GNA15: variants seen among roughly 807,000 people sequenced by gnomAD.
GNA15 encodes G protein subunit alpha 15, also known as guanine nucleotide-binding protein subunit alpha-15.
GNA15 carries 23 observed loss-of-function variants against 40.1 expected under a neutral mutation model. The observed-to-expected ratio is 0.57, with a 90% CI of 0.41 to 0.81. The LOEUF is 0.81. GNA15 is among the 40% of genes least tolerant of loss of function. The pLI, the probability that GNA15 is intolerant of heterozygous loss-of-function variation, is 0.00. For synonymous variants in GNA15, 226 were observed against 210.4 expected, an observed-to-expected ratio of 1.07 and a Z score of -0.64; for missense variants, 522 against 515.8, an observed-to-expected ratio of 1.01 and a Z score of -0.12.
At chr19:3,138,052 C>T (rs1599317145) in intron 1 of GNA15, among the ~76,000 whole-genome samples, 1 of 152,070 alleles carries the variant, frequency 6.6e-6, no homozygotes, top group Non-Finnish European at 1.5e-5. Flanking sequence ...TCACTTGAGG[C>T]CAGGAGTTCG....
Position 3,157,896 on chromosome 19 carries a change from A to G in GNA15, c.898+15A>G. 2 of 1,597,496 alleles carry G rather than the reference A, an allele frequency of 1.3e-6. No homozygotes were observed. The highest frequency in any genetic ancestry group is 1.7e-6 in the Non-Finnish European group (2 of 1,164,794). ...CAGTTTCCAGGGTAAGTAATTCTAGAACTTTCTATACCCTTCAACTCCCAA... is the reference window on the plus strand; with the variant it reads ...CAGTTTCCAGGGTAAGTAATTCTAGGACTTTCTATACCCTTCAACTCCCAA... On this transcript the variant is annotated intron_variant, in intron 6 of 6. Transcript: ENST00000262958.
intron 5 of GNA15, among the ~76,000 whole-genome samples, chr19:3,157,092 G>A (rs1915048495): frequency 6.6e-6 from 1 of 151,886 alleles, no homozygotes; most frequent in Admixed American, 6.6e-5. Flanking sequence ...CCGCCTCCCG[G>A]GTTCAAGCGA....
At position 3,136,911 on chromosome 19, in the gene GNA15, T is replaced by C. The variant is rs1914471055; in HGVS notation, c.145+316T>C. 6.6e-6 allele frequency among the ~76,000 whole-genome samples: 1 copy of C among 152,202 alleles called. No individual in the cohort carries two copies. The highest frequency in any genetic ancestry group is 6.5e-5 in the Admixed American group (1 of 15,284). On this transcript the variant is annotated intron_variant, in intron 1 of 6. Coordinates refer to ENST00000262958, the MANE Select transcript of GNA15 (RefSeq NM_002068.4). This position sits in a 1 kb window ranked among gnomAD's most constrained non-coding sequence, Gnocchi z 4.9. ...AGGCCCAGCACGCCCTACCTGTCTG[T>C]GTCATGGCGAGGGAATGATGAGCTC...
chr19:3,150,157 G>A lies in GNA15; in HGVS notation c.357G>A (p.Gln119=). ...SKHHASLVMS[Q]DPYKVTTFEK... ...ACCACGCTAGCCTGGTCATGAGCCA[G>A]GACCCCTATAAAGTGACCACGTTTG... The change falls in exon 3 of 7, where the codon CAG becomes CAA. Residue 119 remains glutamine (Q), a synonymous_variant. Coordinates refer to ENST00000262958, the MANE Select transcript of GNA15 (RefSeq NM_002068.4). 6.2e-7 allele frequency: 1 copy of A among 1,613,504 alleles called. No individual in the cohort carries two copies. The highest frequency in any genetic ancestry group is 1.1e-5 in the South Asian group (1 of 91,088).
chr19:3,140,100 ATG>A (rs750448042), intron 1 of GNA15, among the ~76,000 whole-genome samples: 2 of 122,980 alleles, frequency 1.6e-5, no homozygotes, highest in African/African-American at 2.9e-5. Context: ...TGACATATTA[ATG>A]TGTCATATTA....
At chr19:3,148,065 T>A (rs187922681) in intron 1 of GNA15, among the ~76,000 whole-genome samples, 2 of 107,514 alleles carry the variant, frequency 1.9e-5, no homozygotes, top group African/African-American at 6.6e-5. Flanking sequence ...TCTGTTGAGG[T>A]CCATGTTTTG....
rs1184334208 is a variant in GNA15 at position 3,162,907 on chromosome 19, G to A, written c.1013G>A (p.Arg338His). Residue 338 changes from arginine to histidine, a missense_variant, in exon 7 of 7, where the codon CGC (arginine) becomes CAC (histidine). Arg to His is a conservative substitution (Grantham distance 29). Coordinates refer to ENST00000262958, the MANE Select transcript of GNA15 (RefSeq NM_002068.4). ...AGCAAGAAGGGCGCACGATCCCGAC[G>A]CCTCTTCAGCCACTACACATGTGCC... ...EGSKKGARSRRLFSHYTCATD... is the reference protein window; with the variant it reads ...EGSKKGARSRHLFSHYTCATD... 1.9e-6 allele frequency: 3 copies of A among 1,613,676 alleles called. No homozygotes were observed. Among genetic ancestry groups the A allele is most frequent in the Non-Finnish European group, 2.5e-6 (3 of 1,179,612 alleles).
rs1309635702 is a variant in GNA15, at chr19:3,163,181, C to T, written c.*162C>T. On this transcript the variant is annotated 3_prime_UTR_variant, in exon 7 of 7. Transcript: ENST00000262958. ...GCTGGCCGCTCTCTTCTCTGCCTCT[C>T]ACCAGGACAGCCGCCCCCCAGGGTA... 6.6e-6 allele frequency: 4 copies of T among 610,416 alleles called. No individual in the cohort carries two copies. The highest frequency in any genetic ancestry group is 3.7e-5 in the African/African-American group (2 of 54,352). 37.8% of individuals were successfully genotyped at this position (610,416 alleles called of 1,614,324 possible). A position where few individuals can be genotyped will look rare whatever the true frequency, so the allele number is the denominator to read the frequency against.
Position 3,145,359 on chromosome 19 carries a change from A to ATATATATATATATATTT in GNA15, c.146-3231_146-3230insATATATATATATATTTT. On this transcript the variant is annotated intron_variant, in intron 1 of 6. Coordinates refer to ENST00000262958, the MANE Select transcript of GNA15 (RefSeq NM_002068.4). Reference sequence around the variant, plus strand: ...TAAATATATATATATATATATATATATTTTTTTTTTTTTGTAGAGATGGGG... The same window carrying ATATATATATATATATTT: ...TAAATATATATATATATATATATATATATATATATATATATTTTTTTTTTTTTTTTGTAGAGATGGGG... Among the ~76,000 whole-genome samples, 362 of 46,910 alleles carry ATATATATATATATATTT rather than the reference A, an allele frequency of 7.7e-3. 8 individuals are homozygous for ATATATATATATATATTT. Among genetic ancestry groups the ATATATATATATATATTT allele is most frequent in the Non-Finnish European group, 9.5e-3 (244 of 25,690 alleles). 30.8% of individuals were successfully genotyped at this position (46,910 alleles called of 152,430 possible).
chr19:3,140,044 A>ATCTATCTATCT (rs1555705063), intron 1 of GNA15, among the ~76,000 whole-genome samples: 1 of 124,054 alleles, frequency 8.1e-6, no homozygotes, highest in African/African-American at 2.9e-5. Context: ...AAAAAAAAAA[A>ATCTATCTATCT]ATCTATCTAT....
At chr19:3,145,855 G>A (rs1458879161) in intron 1 of GNA15, among the ~76,000 whole-genome samples, 3 of 151,526 alleles carry the variant, frequency 2.0e-5, no homozygotes, top group African/African-American at 4.8e-5. Flanking sequence ...GCCGAGAAAA[G>A]CCTGTTTCTT....
chr19:3,151,818 G>T lies in GNA15; in HGVS notation c.597G>T (p.Val199=). The stretch of plus-strand genomic sequence containing the variant: ...GCATCAACGAGTACTGCTTCTCCGT[G>T]CAGAAAACCAACCTGCGGTGAGCGC... ...TTGINEYCFS[V]QKTNLRIVDV... Residue 199 remains valine (V), a synonymous_variant, in exon 4 of 7, where the codon GTG becomes GTT. Coordinates refer to ENST00000262958, the MANE Select transcript of GNA15 (RefSeq NM_002068.4). This position sits in a 1 kb window ranked among gnomAD's most constrained non-coding sequence, Gnocchi z 5.0. 6.2e-7 allele frequency: 1 copy of T among 1,611,444 alleles called. No individual in the cohort carries two copies.
At position 3,163,502 on chromosome 19, in the gene GNA15, A is replaced by C. The variant is rs1483568816; in HGVS notation, c.*483A>C. On this transcript the variant is annotated 3_prime_UTR_variant, in exon 7 of 7. Transcript: ENST00000262958. Reference sequence around the variant, plus strand: ...AGGAACGCCTTCCAGGAACCTGTGGACTAGGGGTGCAGGGACTTCCCTTTG... The same window carrying C: ...AGGAACGCCTTCCAGGAACCTGTGGCCTAGGGGTGCAGGGACTTCCCTTTG... 1 of 168,042 alleles carries C rather than the reference A, an allele frequency of 6.0e-6. No individual in the cohort carries two copies. The highest frequency in any genetic ancestry group is 6.0e-5 in the Admixed American group (1 of 16,540). 10.4% of individuals were successfully genotyped at this position (168,042 alleles called of 1,614,324 possible). A position where few individuals can be genotyped will look rare whatever the true frequency, so the allele number is the denominator to read the frequency against.
At position 3,144,127 on chromosome 19, in the gene GNA15, C is replaced by CAAAA. The variant is rs367866195; in HGVS notation, c.146-4452_146-4449dup. ...CGATAGAGCAAGAAAGACTCCCTCT[C>CAAAA]AAAAAAAAAAAAAAAGAGTTGTCCC... is the stretch of plus-strand genomic sequence containing the variant. On this transcript the variant is annotated intron_variant, in intron 1 of 6. Coordinates refer to ENST00000262958, the MANE Select transcript of GNA15 (RefSeq NM_002068.4). 1.8e-3 allele frequency among the ~76,000 whole-genome samples: 228 copies of CAAAA among 124,850 alleles called. 2 individuals carry two copies. Among genetic ancestry groups the CAAAA allele is most frequent in the Admixed American group, 4.0e-3 (48 of 11,930 alleles). 81.9% of individuals were successfully genotyped at this position (124,850 alleles called of 152,430 possible).
At position 3,155,778 on chromosome 19, in the gene GNA15, A is replaced by G; in HGVS notation, c.615-45A>G. ...GTGATGGGGGTTGGGGGTGTCACGG[A>G]GCAGGCTCCTGAGCTCTGAAAGGGG... On this transcript the variant is annotated intron_variant, in intron 4 of 6. Transcript: ENST00000262958. This position sits in a 1 kb window ranked among gnomAD's most constrained non-coding sequence, Gnocchi z 5.6. 2 of 1,598,516 alleles carry G rather than the reference A, an allele frequency of 1.3e-6. No individual in the cohort carries two copies. The highest frequency in any genetic ancestry group is 1.7e-6 in the Non-Finnish European group (2 of 1,174,960).
chr19:3,161,558 T>G (rs1487594638), intron 6 of GNA15, among the ~76,000 whole-genome samples: 1 of 152,168 alleles, frequency 6.6e-6, no homozygotes. Flanking sequence ...TGTTCCAGGA[T>G]GGTGGCCTGG....
chr19:3,151,089 G>T lies in GNA15; in HGVS notation c.486-618G>T, dbSNP rs1914871661. On this transcript the variant is annotated intron_variant, in intron 3 of 6. Coordinates refer to ENST00000262958, the MANE Select transcript of GNA15 (RefSeq NM_002068.4). The surrounding 1 kb of genome is among the most constrained non-coding windows in gnomAD (Gnocchi z 5.0). ...TGTTCCTGGGGGAACCCTATTCCTA[G>T]AGAACCCTGTTCCCGGAGTGACCCT... Among the ~76,000 whole-genome samples the T allele has an allele frequency of 6.6e-6, 1 of 151,856 alleles. No individual in the cohort carries two copies. Among genetic ancestry groups the T allele is most frequent in the South Asian group, 2.1e-4 (1 of 4,828 alleles).
intron 1 of GNA15, among the ~76,000 whole-genome samples, chr19:3,137,069 G>A (rs989651519): frequency 1.3e-5 from 2 of 152,186 alleles, no homozygotes; most frequent in Non-Finnish European, 2.9e-5. Context: ...GCTCCTTTGG[G>A]GGCTAGAAAG....
At chr19:3,144,973 T>TGC (rs1914676734) in intron 1 of GNA15, among the ~76,000 whole-genome samples, 1 of 150,698 alleles carries the variant, frequency 6.6e-6, no homozygotes, top group African/African-American at 2.4e-5. Flanking sequence ...GGATTACAGG[T>TGC]GCGCGCCACC....
Sources: gnomAD v4.1 joint callset for allele counts (sites outside exome capture counted in the v4.1 genomes callset) on GRCh38, gnomAD v4.1.1 for gene constraint, Gnocchi (gnomAD v3.1) non-coding constraint, MANE v1.5 for transcripts, NCBI Gene and HGNC (gene_info 2026-07-23, HGNC 2026-07-21) for gene names.